The following GLYATL3 variants were observed in gnomAD, a reference collection of about 807,000 sequenced individuals.
GLYATL3 encodes glycine-N-acyltransferase like 3.
GLYATL3 carries 31 observed loss-of-function variants against 28.5 expected under a neutral mutation model. That is an observed-to-expected ratio of 1.09 (90% CI 0.82 to 1.47). The LOEUF is 1.47. Ranked by LOEUF, GLYATL3 falls within the 40% of genes most tolerant of loss-of-function variation. The pLI is 0.00. For synonymous variants in GLYATL3, 141 were observed against 140.2 expected (o/e 1.01, Z -0.04); for missense variants, 369 against 351.5 (o/e 1.05, Z -0.40).
chr6:49,522,012 T>C (rs1027507312), intron 5 of GLYATL3, among the ~76,000 whole-genome samples: 2 of 152,174 alleles, frequency 1.3e-5, no homozygotes, highest in Non-Finnish European at 2.9e-5. Context: ...TAGTTATAAA[T>C]GAACTCAGAA....
chr6:49,520,517 C>A (rs1348740295), intron 4 of GLYATL3, among the ~76,000 whole-genome samples: 1 of 152,164 alleles, frequency 6.6e-6, no homozygotes, highest in Non-Finnish European at 1.5e-5. Flanking sequence ...TTCAATACAC[C>A]TTCCCACTCA....
intron 4 of GLYATL3, 21 bp downstream of exon 4, chr6:49,517,577 T>C: frequency 6.5e-7 from 1 of 1,530,366 alleles, no homozygotes; most frequent in Non-Finnish European, 8.8e-7. Flanking sequence ...GTGCAAGACT[T>C]ATATTACACA....
chr6:49,510,056 C>T (rs1053233622), intron 1 of GLYATL3, among the ~76,000 whole-genome samples: 57 of 127,642 alleles, frequency 4.5e-4, no homozygotes, highest in African/African-American at 1.5e-3. Flanking sequence ...ATTTTTTTGA[C>T]GGAGTTTTGC....
At chr6:49,512,170 C>T (rs1425492938) in intron 2 of GLYATL3, 102 bp downstream of exon 2, 2 of 543,534 alleles carry the variant, frequency 3.7e-6, no homozygotes, top group East Asian at 3.1e-5. Flanking sequence ...TAATAAGACT[C>T]TCTAGGAGCA....
rs575999321 is a variant in GLYATL3, at chr6:49,500,212, TG to T, written c.-29+174del. Among the ~76,000 whole-genome samples, 114 of 152,310 alleles carry T rather than the reference TG, an allele frequency of 7.5e-4. 1 individual carries two copies. Among genetic ancestry groups the T allele is most frequent in the African/African-American group, 2.6e-3 (110 of 41,578 alleles). On this transcript the variant is annotated intron_variant, in intron 1 of 5. Transcript: ENST00000371197. ...TTTTGTTTCTTGGCGTGTTTTTGTT[TG>T]GGGTTTTTTTAACTCCTAAATTTTG...
intron 4 of GLYATL3, among the ~76,000 whole-genome samples, chr6:49,520,658 G>C (rs1345745434): frequency 6.6e-6 from 1 of 152,162 alleles, no homozygotes; most frequent in Non-Finnish European, 1.5e-5. Context: ...GGCTGGAAAG[G>C]ATGGAGTAGA....
At chr6:49,514,922 A>C (rs549404654) in intron 2 of GLYATL3, among the ~76,000 whole-genome samples, 89 of 152,298 alleles carry the variant, frequency 5.8e-4, no homozygotes, top group South Asian at 1.7e-3. Flanking sequence ...TAATAATAAA[A>C]GAAGGGCAAA....
chr6:49,517,395 C>A (rs776295863), intron 3 of GLYATL3, 35 bp from the exon 4 acceptor site: 43 of 1,490,310 alleles, frequency 2.9e-5, no homozygotes, highest in Non-Finnish European at 3.6e-5. Flanking sequence ...CCAGATAATA[C>A]GTTTATGTTT....
intron 1 of GLYATL3, among the ~76,000 whole-genome samples, chr6:49,508,359 T>C (rs1581866488): frequency 6.6e-6 from 1 of 152,150 alleles, no homozygotes; most frequent in African/African-American, 2.4e-5. Context: ...CCATAACCTA[T>C]GATTAGCAAG....
intron 2 of GLYATL3, among the ~76,000 whole-genome samples, chr6:49,514,789 C>T (rs1437010135): frequency 6.6e-6 from 1 of 152,060 alleles, no homozygotes. Context: ...GCAGAGATAG[C>T]GCCACTGAAC....
intron 1 of GLYATL3, among the ~76,000 whole-genome samples, chr6:49,508,124 G>A (rs577633746): frequency 9.9e-4 from 150 of 152,056 alleles, no homozygotes; most frequent in Middle Eastern, 3.4e-3. Context: ...GTGAAACCCC[G>A]TCTCTACTAA....
chr6:49,526,443 A>G, intron 5 of GLYATL3, 45 bp from the exon 6 acceptor site: 1 of 1,484,096 alleles, frequency 6.7e-7, no homozygotes, highest in Non-Finnish European at 9.1e-7. Context: ...ATGTATAACC[A>G]CATGAGTCTG....
Position 49,515,680 on chromosome 6 carries a change from C to A in GLYATL3, c.106C>A (p.Arg36Ser). ...KVYGAVMNIN[R>S]GNPFQKEVVL... ...TTACGGAGCGGTGATGAACATAAAT[C>A]GTGGGAACCCCTTTCAAAAGGAAGT... Residue 36 changes from arginine (R) to serine (S), a missense_variant, in exon 3 of 6, where the codon CGT (arginine) becomes AGT (serine). Coordinates refer to ENST00000371197, the MANE Select transcript of GLYATL3 (RefSeq NM_001010904.2). The A allele has an allele frequency of 6.5e-7, 1 of 1,550,260 alleles. No individual in the cohort carries two copies. Among genetic ancestry groups the A allele is most frequent in the South Asian group, 1.2e-5 (1 of 84,030 alleles).
rs1398858371 is a variant in GLYATL3, at chr6:49,521,749, T to C, written c.418T>C (p.Ser140Pro). 1.9e-6 allele frequency: 3 copies of C among 1,551,422 alleles called. No homozygotes were observed. The highest frequency in any genetic ancestry group is 2.6e-6 in the Non-Finnish European group (3 of 1,146,896). Residue 140 changes from serine to proline, a missense_variant, in exon 5 of 6, where the codon TCT (serine) becomes CCT (proline). By Grantham distance (74) the Ser-to-Pro change is moderately conservative (BLOSUM62 -1). Transcript: ENST00000371197. ...FKAVHFSPVSSLPDTSFLKGP... is the reference protein window; with the variant it reads ...FKAVHFSPVSPLPDTSFLKGP... ...GGCTGTTCATTTTTCTCCTGTTTCA[T>C]CTCTGCCAGATACCAGTTTCCTGTA...
In GLYATL3 at chr6:49,527,640, T is replaced by C. The variant is rs901814343; in HGVS notation, c.*726T>C. ...TATTTGCCTTGGATGAATGACAATA[T>C]GGGCATTTTGATGCTATAAACAAAT... On this transcript the variant is annotated 3_prime_UTR_variant, in exon 6 of 6. Coordinates refer to ENST00000371197, the MANE Select transcript of GLYATL3 (RefSeq NM_001010904.2). Among the ~76,000 whole-genome samples, 3 of 152,304 alleles carry C rather than the reference T, an allele frequency of 2.0e-5. No individual in the cohort carries two copies. In the East Asian group the frequency reaches 5.8e-4, roughly 29 times the overall value.
intron 1 of GLYATL3, among the ~76,000 whole-genome samples, chr6:49,501,870 A>T (rs527603808): frequency 6.6e-6 from 1 of 152,294 alleles, no homozygotes; most frequent in South Asian, 2.1e-4. Context: ...GGCTATCCAC[A>T]AGGGTCGCAT....
intron 1 of GLYATL3, among the ~76,000 whole-genome samples, chr6:49,503,821 T>G (rs977167283): frequency 1.3e-5 from 2 of 152,204 alleles, no homozygotes; most frequent in South Asian, 4.1e-4. Context: ...CAGATGGTAG[T>G]GTGACTGCCC....
intron 2 of GLYATL3, among the ~76,000 whole-genome samples, chr6:49,514,184 G>A (rs530002598): frequency 4.6e-5 from 7 of 152,188 alleles, no homozygotes; most frequent in South Asian, 4.2e-4. Flanking sequence ...CTTTCCAACC[G>A]CTACCTCTCC....
intron 1 of GLYATL3, among the ~76,000 whole-genome samples, chr6:49,506,632 C>T (rs967374491): frequency 1.3e-5 from 2 of 152,130 alleles, no homozygotes; most frequent in Non-Finnish European, 2.9e-5. Flanking sequence ...ATTAACAGCT[C>T]TTAAATCTGT....
Sources: gnomAD v4.1 joint callset for allele counts (sites outside exome capture counted in the v4.1 genomes callset) on GRCh38, gnomAD v4.1.1 for gene constraint, MANE v1.5 for transcripts, NCBI Gene and HGNC (gene_info 2026-07-23, HGNC 2026-07-21) for gene names.